Variants in FAM184A observed in about 807,000 individuals in gnomAD.
FAM184A encodes the protein family with sequence similarity 184 member A, also known as protein FAM184A.
In FAM184A, 99 loss-of-function variants were observed where a neutral mutation model predicts 143.8. The observed-to-expected ratio is 0.69, with a 90% CI of 0.58 to 0.81. FAM184A has a LOEUF of 0.81. FAM184A is among the 40% of genes least tolerant of loss of function. The pLI, the probability that FAM184A is intolerant of heterozygous loss-of-function variation, is 0.00. For missense variants in FAM184A, 1,217 were observed against 1,310.5 expected (o/e 0.93, Z 1.10); for synonymous variants, 427 against 446.4 (o/e 0.96, Z 0.55).
intron 1 of FAM184A, among the ~76,000 whole-genome samples, chr6:119,034,019 A>AATATATATATAT (rs1166841690): frequency 4.7e-5 from 3 of 63,532 alleles, no homozygotes; most frequent in African/African-American, 1.9e-4. Flanking sequence ...AAAAAAAAAA[A>AATATATATATAT]ATATATATAT....
At chr6:119,062,700 T>A (rs1218968246) in intron 1 of FAM184A, among the ~76,000 whole-genome samples, 3 of 152,132 alleles carry the variant, frequency 2.0e-5, no homozygotes, top group African/African-American at 7.2e-5. Flanking sequence ...GTTCCACTGA[T>A]CCCACCTCAT....
intron 5 of FAM184A, among the ~76,000 whole-genome samples, chr6:119,015,618 G>A (rs1282714516): frequency 6.6e-6 from 1 of 152,218 alleles, no homozygotes; most frequent in Admixed American, 6.5e-5. Flanking sequence ...CGCCTCCGTG[G>A]GTTCCTGTGC....
chr6:118,981,089 T>C (rs890901650), intron 9 of FAM184A, among the ~76,000 whole-genome samples: 1 of 152,194 alleles, frequency 6.6e-6, no homozygotes, highest in Non-Finnish European at 1.5e-5. Flanking sequence ...TATGGAAAAC[T>C]GATTTGTCAC....
chr6:119,029,693 C>A (rs949256752), intron 1 of FAM184A, among the ~76,000 whole-genome samples: 1 of 152,060 alleles, frequency 6.6e-6, no homozygotes. Flanking sequence ...TTTAAGTAAA[C>A]AAAACATGGC....
At chr6:119,026,002 C>T (rs921474798) in intron 1 of FAM184A, among the ~76,000 whole-genome samples, 2 of 152,190 alleles carry the variant, frequency 1.3e-5, no homozygotes, top group African/African-American at 4.8e-5. Flanking sequence ...TAAAGATAGG[C>T]TGTCACTGTC....
chr6:119,017,973 T>C (rs1228141120), intron 4 of FAM184A, among the ~76,000 whole-genome samples: 2 of 152,226 alleles, frequency 1.3e-5, no homozygotes, highest in Non-Finnish European at 2.9e-5. Context: ...AGCATGATTG[T>C]AAGCTTCCTG....
chr6:119,140,397 C>A (rs1374564332), intron 1 of FAM184A, among the ~76,000 whole-genome samples: 1 of 152,132 alleles, frequency 6.6e-6, no homozygotes, highest in African/African-American at 2.4e-5. Flanking sequence ...ATGAGAGAGC[C>A]CCTGGGAGAA....
At chr6:118,991,342 G>A (rs1784370889) in intron 9 of FAM184A, among the ~76,000 whole-genome samples, 1 of 151,490 alleles carries the variant, frequency 6.6e-6, no homozygotes, top group Non-Finnish European at 1.5e-5. Flanking sequence ...TTTTGTTTTA[G>A]TAAAGATGGA....
chr6:118,991,751 C>CTTTTTTTTTTTTT (rs61476918), intron 9 of FAM184A, among the ~76,000 whole-genome samples: 1 of 42,350 alleles, frequency 2.4e-5, no homozygotes, highest in Non-Finnish European at 4.0e-5. Flanking sequence ...CCTGAGAGGA[C>CTTTTTTTTTTTTT]TTTTTTTTTT....
chr6:119,042,638 T>C (rs1786383137), intron 1 of FAM184A, among the ~76,000 whole-genome samples: 1 of 152,208 alleles, frequency 6.6e-6, no homozygotes, highest in African/African-American at 2.4e-5. Context: ...CTATTCTATA[T>C]AATACCACAA....
intron 16 of FAM184A, chr6:118,962,620 C>A (rs534903576): frequency 6.6e-6 from 1 of 152,056 alleles, no homozygotes; most frequent in Non-Finnish European, 1.5e-5. Context: ...TTGGCAGTAT[C>A]ATTAATTGGC....
At chr6:119,020,199 G>T in intron 3 of FAM184A, 40 bp from the exon 4 acceptor site, 1 of 1,449,692 alleles carries the variant, frequency 6.9e-7, no homozygotes, top group East Asian at 2.4e-5. Context: ...TTAAAAATCA[G>T]TTGTACTATG....
chr6:118,974,673 A>G (rs1056929545), intron 13 of FAM184A, 99 bp from the exon 14 acceptor site: 78 of 1,033,964 alleles, frequency 7.5e-5, no homozygotes, highest in South Asian at 2.7e-4. Flanking sequence ...TTGGTATAAT[A>G]TATAGAAAAT....
rs376042345 is a variant in FAM184A, at chr6:119,094,103, A to G, written c.-202+54975T>C. On this transcript the variant is annotated intron_variant, in intron 1 of 16. Coordinates refer to the FAM184A transcript ENST00000352896. Reference sequence around the variant, plus strand: ...CTCTCTTTTCTTTTCTTTCTGTTTCAGAGATGGGATCTCACTCTGCTGCCC... The same window carrying G: ...CTCTCTTTTCTTTTCTTTCTGTTTCGGAGATGGGATCTCACTCTGCTGCCC... Among the ~76,000 whole-genome samples the G allele has an allele frequency of 2.9e-4, 43 of 146,064 alleles. 1 individual carries two copies. Among genetic ancestry groups the G allele is most frequent in the African/African-American group, 1.1e-3 (42 of 39,330 alleles).
At position 119,078,205 on chromosome 6, in the gene FAM184A, TGCCC is replaced by T. The variant is rs1562141125; in HGVS notation, c.91_94del (p.Gly31ThrfsTer11). On this transcript the variant is annotated frameshift_variant, in exon 1 of 18. Transcript: ENST00000338891. LOFTEE classifies it high-confidence loss of function. The surrounding 1 kb of genome is among the most constrained non-coding windows in gnomAD (Gnocchi z 5.5). ...CATCTCCTGGCTGTAGTCCATGCTG[TGCCC>T]AGCCAGCTGTGCGGTGGCCGGCGAG... 1 of 1,573,372 alleles carries T rather than the reference TGCCC, an allele frequency of 6.4e-7. No homozygotes were observed. Among genetic ancestry groups the T allele is most frequent in the Admixed American group, 1.8e-5 (1 of 55,402 alleles).
At chr6:119,147,071 TTTTTTTTG>T (rs1772467204) in intron 1 of FAM184A, among the ~76,000 whole-genome samples, 2 of 118,290 alleles carry the variant, frequency 1.7e-5, no homozygotes, top group East Asian at 2.3e-4. Flanking sequence ...TCTGTTTTTT[TTTTTTTTG>T]TTTTTTTGTC....
intron 1 of FAM184A, among the ~76,000 whole-genome samples, chr6:119,037,100 G>C (rs1786143291): frequency 6.6e-6 from 1 of 152,120 alleles, no homozygotes; most frequent in Non-Finnish European, 1.5e-5. Context: ...ATTTGTCCCT[G>C]AAATTTAACT....
intron 3 of FAM184A, among the ~76,000 whole-genome samples, chr6:119,021,463 T>C (rs1785445899): frequency 1.3e-5 from 2 of 152,234 alleles, no homozygotes; most frequent in Admixed American, 1.3e-4. Flanking sequence ...AATGAACTGC[T>C]GTAATTTACA....
At chr6:119,090,600 A>G (rs993265593) in intron 1 of FAM184A, among the ~76,000 whole-genome samples, 2 of 152,056 alleles carry the variant, frequency 1.3e-5, no homozygotes, top group African/African-American at 4.8e-5. Context: ...TCTGTCACCA[A>G]CTCTTTAAGG....
Sources: gnomAD v4.1 joint callset for allele counts (sites outside exome capture counted in the v4.1 genomes callset) on GRCh38, gnomAD v4.1.1 for gene constraint, Gnocchi (gnomAD v3.1) non-coding constraint, MANE v1.5 for transcripts, NCBI Gene and HGNC (gene_info 2026-07-23, HGNC 2026-07-21) for gene names.